The following DELE1 variants were observed in gnomAD, a reference collection of about 807,000 sequenced individuals.
The protein encoded by DELE1 is death ligand signal enhancer.
In DELE1, 54 loss-of-function variants were observed where a neutral mutation model predicts 59.3. That is an observed-to-expected ratio of 0.91 (90% confidence interval 0.73 to 1.14). DELE1 has a LOEUF of 1.14. Among genes scored for constraint, DELE1 ranks in the 50% most tolerant of loss-of-function variants. The pLI is 0.00. For missense variants in DELE1, 636 were observed against 643.9 expected (o/e 0.99, Z 0.13); for synonymous variants, 264 against 259.1 (o/e 1.02, Z -0.18).
At chr5:141,930,343 A>T in intron 7 of DELE1, 69 bp downstream of exon 7, 1 of 1,106,318 alleles carries the variant, frequency 9.0e-7, no homozygotes. Flanking sequence ...TAGCTCAGAT[A>T]TAGTCAAGAT....
At chr5:141,937,419 A>G in intron 11 of DELE1, 62 bp downstream of exon 11, 1 of 1,550,540 alleles carries the variant, frequency 6.4e-7, no homozygotes, top group Admixed American at 1.7e-5. Flanking sequence ...GTGACAGATA[A>G]GTAGGTAGCA....
chr5:141,924,674 T>C lies in DELE1; in HGVS notation c.125T>C (p.Val42Ala), dbSNP rs1751226673. 2 of 1,612,886 alleles carry C rather than the reference T, an allele frequency of 1.2e-6. No individual in the cohort carries two copies. Among genetic ancestry groups the C allele is most frequent in the Non-Finnish European group, 1.7e-6 (2 of 1,178,992 alleles). ...CAGACTACCTCCTCCACTTTGCTGG[T>C]TCCTGTGCCTAACCTCGACAGGTAA... is the stretch of plus-strand genomic sequence containing the variant. ...GPQTTSSTLLVPVPNLDRSGP... is the reference protein window; with the variant it reads ...GPQTTSSTLLAPVPNLDRSGP... Residue 42 changes from valine to alanine, a missense_variant, in exon 2 of 12, where the codon GTT (valine) becomes GCT (alanine). Physicochemically the swap from Val to Ala is moderately conservative, Grantham distance 64. Transcript: ENST00000432126.
At chr5:141,925,339 G>A in intron 2 of DELE1, 71 bp from the exon 3 acceptor site, 3 of 1,005,610 alleles carry the variant, frequency 3.0e-6, no homozygotes, top group East Asian at 2.9e-5. Context: ...GGGATTACAG[G>A]TGTGAGCCAC....
chr5:141,938,191 C>T (rs1752521170), intron 11 of DELE1, among the ~76,000 whole-genome samples: 1 of 152,162 alleles, frequency 6.6e-6, no homozygotes, highest in Non-Finnish European at 1.5e-5. Flanking sequence ...TCAGTTTCTT[C>T]ACCTCTGAAA....
chr5:141,932,302 T>TG (rs1044920971), intron 7 of DELE1, among the ~76,000 whole-genome samples: 2 of 152,170 alleles, frequency 1.3e-5, no homozygotes, highest in African/African-American at 4.8e-5. Flanking sequence ...GCATGGACTT[T>TG]GGGGTTGGAT....
chr5:141,933,710 A>G (rs1368338108), intron 8 of DELE1: 2 of 173,028 alleles, frequency 1.2e-5, no homozygotes, highest in African/African-American at 2.4e-5. Context: ...ATAAGAATGT[A>G]TTTCGTAGAG....
rs1752699146 is a variant in DELE1, at chr5:141,940,912, T to A, written c.*2153T>A. ...GTGGTTAAATAAGTTTGGGAAATGC[T>A]GCACCAGACGTCCCCTTTTTATAGA... On this transcript the variant is annotated 3_prime_UTR_variant, in exon 12 of 12. Transcript: ENST00000432126. The A allele has an allele frequency of 2.0e-6, 2 of 980,164 alleles. No homozygotes were observed. The highest frequency in any genetic ancestry group is 2.4e-6 in the Non-Finnish European group (2 of 825,236). The allele number at this position is 980,164 out of a possible 1,614,324, so 60.7% of individuals were successfully genotyped here. A position where few individuals can be genotyped will look rare whatever the true frequency, so the allele number is the denominator to read the frequency against.
At position 141,937,330 on chromosome 5, in the gene DELE1, C is replaced by T. The variant is rs765384891; in HGVS notation, c.1282C>T (p.Arg428Ter). The change falls in exon 11 of 12, where the codon CGA becomes TGA. Residue 428 changes from arginine (R) to a stop codon, truncating the protein, a stop_gained. Coordinates refer to ENST00000432126, the MANE Select transcript of DELE1 (RefSeq NM_014773.5). LOFTEE classifies it high-confidence loss of function. ...LGNEAAQERL[R>*]ALFSMGAAAP... ...AAATGAGGCCGCCCAGGAGAGGCTG[C>T]GAGCCCTCTTTTCCATGGGGGCTGC... The T allele has an allele frequency of 1.4e-5, 23 of 1,613,988 alleles. No homozygotes were observed. The highest frequency in any genetic ancestry group is 5.3e-5 in the African/African-American group (4 of 74,910).
At chr5:141,937,718 C>G (rs1209809106) in intron 11 of DELE1, among the ~76,000 whole-genome samples, 18 of 133,062 alleles carry the variant, frequency 1.4e-4, no homozygotes, top group Non-Finnish European at 2.4e-4. Context: ...TTGCAGTGAG[C>G]CGAGATCGCG....
chr5:141,927,235 G>T (rs1203712950), intron 3 of DELE1, among the ~76,000 whole-genome samples: 4 of 152,128 alleles, frequency 2.6e-5, no homozygotes, highest in Admixed American at 2.0e-4. Flanking sequence ...CAACCTGTGT[G>T]TTTTTTTTAG....
At chr5:141,924,740 CTT>C (rs368894759) in intron 2 of DELE1, 45 bp downstream of exon 2, 6 of 1,086,210 alleles carry the variant, frequency 5.5e-6, no homozygotes, top group Non-Finnish European at 6.6e-6. Context: ...CCTAGTCACC[CTT>C]TTTTTTTATT....
rs115253802 is a variant in DELE1 at position 141,925,424 on chromosome 5, G to A, written c.161G>A (p.Gly54Asp). The change falls in exon 3 of 12, where the codon GGC becomes GAC. Residue 54 changes from glycine to aspartate, a missense_variant. Gly to Asp is a moderately conservative substitution (Grantham distance 94, BLOSUM62 -1). Coordinates refer to ENST00000432126, the MANE Select transcript of DELE1 (RefSeq NM_014773.5). ...TCATCATCTAGGTCAGGTCCCCATGGCCCAGGCACGAGCGGGGGTCCAAGG... is the reference window on the plus strand; with the variant it reads ...TCATCATCTAGGTCAGGTCCCCATGACCCAGGCACGAGCGGGGGTCCAAGG... ...VPNLDRSGPH[G>D]PGTSGGPRSH... 6.5e-5 allele frequency: 104 copies of A among 1,592,060 alleles called. No individual in the cohort carries two copies. The African/African-American group carries it at 9.8e-4, about 15-fold the overall frequency.
chr5:141,925,525 T>G lies in DELE1; in HGVS notation c.262T>G (p.Trp88Gly). 6.3e-7 allele frequency: 1 copy of G among 1,576,726 alleles called. No individual in the cohort carries two copies. Reference protein sequence around the residue: ...SPNTLWDAISWGTLAVLALQL... With the variant: ...SPNTLWDAISGGTLAVLALQL... The stretch of plus-strand genomic sequence containing the variant: ...GAACACCCTATGGGATGCCATATCT[T>G]GGGTAAGGCTTCCCCAGCCTGGTCC... Residue 88 changes from tryptophan (W) to glycine (G), a missense_variant and splice_region_variant, in exon 3 of 12, where the codon TGG becomes GGG. Transcript: ENST00000432126.
rs546762509 is a variant in DELE1, at chr5:141,940,860, C to T, written c.*2101C>T. ...GCTGTGCAGTGCACTAAGCTCTCTG[C>T]CAAAAAACAAACAAAAAAAGGTTTC... On this transcript the variant is annotated 3_prime_UTR_variant, in exon 12 of 12. Coordinates refer to ENST00000432126, the MANE Select transcript of DELE1 (RefSeq NM_014773.5). 1 of 985,382 alleles carries T rather than the reference C, an allele frequency of 1.0e-6. No homozygotes were observed. Among genetic ancestry groups the T allele is most frequent in the Non-Finnish European group, 1.2e-6 (1 of 829,918 alleles). The allele number at this position is 985,382 out of a possible 1,614,324, so 61.0% of individuals were successfully genotyped here.
chr5:141,927,021 T>A (rs777814812), intron 3 of DELE1, among the ~76,000 whole-genome samples: 1 of 152,364 alleles, frequency 6.6e-6, no homozygotes, highest in East Asian at 1.9e-4. Flanking sequence ...ACTCCTTGTC[T>A]TGTCAGGACC....
At chr5:141,928,420 C>T in intron 4 of DELE1, 122 bp downstream of exon 4, 1 of 1,206,028 alleles carries the variant, frequency 8.3e-7, no homozygotes, top group Non-Finnish European at 1.1e-6. Flanking sequence ...TATCTGAAGT[C>T]AGAGGAAGAG....
rs1038557280 is a variant in DELE1 at position 141,934,128 on chromosome 5, A to G, written c.898-112A>G. On this transcript the variant is annotated intron_variant, in intron 8 of 11. Coordinates refer to ENST00000432126, the MANE Select transcript of DELE1 (RefSeq NM_014773.5). Reference sequence around the variant, plus strand: ...TTTAGCTTATCTGAATTTTCTGACTAGTCTATAATTATTATGTATTAGTTA... The same window carrying G: ...TTTAGCTTATCTGAATTTTCTGACTGGTCTATAATTATTATGTATTAGTTA... The G allele has an allele frequency of 2.2e-5, 18 of 804,892 alleles. No individual in the cohort carries two copies. In the African/African-American group the frequency reaches 3.0e-4, roughly 13 times the overall value. 49.9% of individuals were successfully genotyped at this position (804,892 alleles called of 1,614,324 possible). A position where few individuals can be genotyped will look rare whatever the true frequency, so the allele number is the denominator to read the frequency against.
intron 11 of DELE1, among the ~76,000 whole-genome samples, chr5:141,937,614 T>TAA (rs111299319): frequency 1.2e-4 from 18 of 149,354 alleles, no homozygotes; most frequent in African/African-American, 4.5e-4. Flanking sequence ...ATTAAAAATA[T>TAA]AAAAAAAAAT....
intron 10 of DELE1, chr5:141,936,784 G>A: frequency 1.3e-6 from 1 of 744,874 alleles, no homozygotes; most frequent in Non-Finnish European, 1.6e-6. Context: ...AGCCCTCCCA[G>A]GCAGAGATTC....
Sources: allele counts gnomAD v4.1 joint callset (sites outside exome capture counted in the v4.1 genomes callset), GRCh38; gene constraint gnomAD v4.1.1; transcripts MANE v1.5; gene names NCBI Gene and HGNC (gene_info 2026-07-23, HGNC 2026-07-21).